COL21A1: variants seen among roughly 807,000 people sequenced by gnomAD.
COL21A1 encodes the protein collagen alpha-1(XXI) chain.
A neutral mutation model predicts 137.9 loss-of-function variants in COL21A1; 149 were observed. That is an observed-to-expected ratio of 1.08 (90% CI 0.95 to 1.24). The LOEUF is 1.24. Ranked by LOEUF, COL21A1 falls within the 50% of genes most tolerant of loss-of-function variation. The probability of loss-of-function intolerance (pLI) is 0.00; values close to 1 mark genes in which losing one functional copy is unlikely to be tolerated. For synonymous variants in COL21A1, 456 were observed against 391.5 expected (o/e 1.16, Z -1.95); for missense variants, 1,167 against 1,158.4 (o/e 1.01, Z -0.11).
chr6:56,264,052 T>C (rs13202214), intron 1 of COL21A1, among the ~76,000 whole-genome samples: 2 of 152,050 alleles, frequency 1.3e-5, no homozygotes, highest in Non-Finnish European at 2.9e-5. Context: ...ACAATTCCTC[T>C]GTTTATAATG....
chr6:56,264,749 C>T (rs1336429700), intron 1 of COL21A1, among the ~76,000 whole-genome samples: 1 of 152,130 alleles, frequency 6.6e-6, no homozygotes, highest in Non-Finnish European at 1.5e-5. Context: ...CTCCTGTACA[C>T]CCTAAATTTA....
rs140907901 is a variant in COL21A1 at position 56,381,922 on chromosome 6, C to T, written c.-39+12049G>A. ...GCAACACTCTTGCACAATGCCACCA[C>T]GCAAAAGCCTCTCCTTACCCACAAT... On this transcript the variant is annotated intron_variant, in intron 1 of 28. Coordinates refer to the COL21A1 transcript ENST00000370819. 2.3e-3 allele frequency among the ~76,000 whole-genome samples: 344 copies of T among 152,290 alleles called. 2 individuals carry two copies. The highest frequency in any genetic ancestry group is 3.6e-3 in the Non-Finnish European group (245 of 68,024).
At chr6:56,379,308 G>A (rs1272640283) in intron 1 of COL21A1, among the ~76,000 whole-genome samples, 1 of 152,134 alleles carries the variant, frequency 6.6e-6, no homozygotes, top group African/African-American at 2.4e-5. Flanking sequence ...AAGCTGTTTT[G>A]AGGAAGGTCA....
intron 1 of COL21A1, among the ~76,000 whole-genome samples, chr6:56,204,373 A>C (rs115616353): frequency 0.022 from 3,311 of 152,200 alleles, 120 homozygotes; most frequent in African/African-American, 0.075. Context: ...TCAAACTGGG[A>C]GGAGCCCACC....
chr6:56,254,499 G>T (rs1404095952), intron 1 of COL21A1, among the ~76,000 whole-genome samples: 1 of 152,174 alleles, frequency 6.6e-6, no homozygotes, highest in Non-Finnish European at 1.5e-5. Flanking sequence ...TAAGTACTTG[G>T]ATTCTTTACA....
At position 56,125,620 on chromosome 6, in the gene COL21A1, C is replaced by A. The variant is rs1271273845; in HGVS notation, c.1597G>T (p.Gly533Cys). The A allele has an allele frequency of 1.9e-6, 3 of 1,565,222 alleles. No homozygotes were observed. Among genetic ancestry groups the A allele is most frequent in the African/African-American group, 2.7e-5 (2 of 73,564 alleles). The part of the protein sequence containing the change: ...PGLHGMPGSK[G>C]EMGAKGDKGS... ...TTGTCTCCTTTGGCACCCATTTCAC[C>A]CTAAAAGACAAAATATAAATAGTGA... Residue 533 changes from glycine to cysteine, a missense_variant and splice_region_variant, in exon 14 of 30, where the codon GGT becomes TGT. Coordinates refer to ENST00000244728, the MANE Select transcript of COL21A1 (RefSeq NM_030820.4).
intron 1 of COL21A1, among the ~76,000 whole-genome samples, chr6:56,387,777 T>C (rs989764695): frequency 6.6e-6 from 1 of 152,224 alleles, no homozygotes; most frequent in African/African-American, 2.4e-5. Context: ...GCAGAAGTCC[T>C]GGCTGGCTCC....
chr6:56,332,479 T>TG (rs530242125), intron 1 of COL21A1, among the ~76,000 whole-genome samples: 235 of 122,622 alleles, frequency 1.9e-3, no homozygotes, highest in African/African-American at 6.4e-3. Context: ...GTAAAACATT[T>TG]TTTTTTTTTG....
At chr6:56,255,436 T>C (rs1221408423) in intron 1 of COL21A1, among the ~76,000 whole-genome samples, 1 of 151,944 alleles carries the variant, frequency 6.6e-6, no homozygotes, top group Non-Finnish European at 1.5e-5. Context: ...GGGAGTCTTT[T>C]CTTAATGATA....
intron 12 of COL21A1, chr6:56,126,350 A>G (rs1773049946): frequency 4.1e-6 from 2 of 486,938 alleles, no homozygotes; most frequent in East Asian, 8.0e-5. Flanking sequence ...GAAGATAAGT[A>G]TTTTGGAGCT....
chr6:56,076,247 G>A (rs1419664036), intron 18 of COL21A1, among the ~76,000 whole-genome samples: 1 of 151,372 alleles, frequency 6.6e-6, no homozygotes, highest in Non-Finnish European at 1.5e-5. Flanking sequence ...ACTTTCAAAT[G>A]GGGCTGAAAT....
At chr6:56,181,785 A>G (rs924236580) in intron 2 of COL21A1, among the ~76,000 whole-genome samples, 1 of 152,204 alleles carries the variant, frequency 6.6e-6, no homozygotes, top group African/African-American at 2.4e-5. Flanking sequence ...CACAAGCTGT[A>G]TGATGCTAGG....
chr6:56,166,523 G>C (rs1206147779), intron 7 of COL21A1, among the ~76,000 whole-genome samples: 2 of 152,044 alleles, frequency 1.3e-5, no homozygotes, highest in African/African-American at 4.8e-5. Context: ...GTGGTGGCGG[G>C]CATCTGTAAT....
chr6:56,129,699 T>TGTGTGTGTGTGTGTGAGA (rs1450514214), intron 12 of COL21A1, among the ~76,000 whole-genome samples: 14 of 120,516 alleles, frequency 1.2e-4, no homozygotes, highest in African/African-American at 4.0e-4. Flanking sequence ...TGTGTGTGTG[T>TGTGTGTGTGTGTGTGAGA]GAGAGAGAGA....
chr6:56,202,583 T>G (rs994696445), intron 1 of COL21A1, among the ~76,000 whole-genome samples: 4 of 152,180 alleles, frequency 2.6e-5, no homozygotes, highest in African/African-American at 9.7e-5. Context: ...CTTCCTCATC[T>G]CACACTTAGT....
chr6:56,339,972 G>T (rs1765429012), intron 1 of COL21A1, among the ~76,000 whole-genome samples: 1 of 152,092 alleles, frequency 6.6e-6, no homozygotes, highest in Non-Finnish European at 1.5e-5. Flanking sequence ...TGGAAAAAAT[G>T]GGATTACTTG....
intron 16 of COL21A1, among the ~76,000 whole-genome samples, chr6:56,110,397 A>G (rs1171431852): frequency 6.6e-6 from 1 of 151,946 alleles, no homozygotes; most frequent in Non-Finnish European, 1.5e-5. Context: ...TTCAATGTTA[A>G]AAGACTGATG....
rs377190560 is a variant in COL21A1 at position 56,124,241 on chromosome 6, C to G, written c.1702G>C (p.Ala568Pro). The change falls in exon 15 of 30, where the codon GCT becomes CCT. Residue 568 changes from alanine to proline, a missense_variant and splice_region_variant. Ala to Pro is a conservative substitution (Grantham distance 27). Coordinates refer to ENST00000244728, the MANE Select transcript of COL21A1 (RefSeq NM_030820.4). ...NAGFPGLPGP[A>P]GEPGRHGKDG... is the part of the protein sequence containing the mutation. ...GAGCTTTTTTCTATCAAACTCACAG[C>G]AGGTCCAGGGAGGCCAGGGAAGCCA... The G allele has an allele frequency of 2.1e-5, 33 of 1,600,036 alleles. No individual in the cohort carries two copies. The highest frequency in any genetic ancestry group is 2.6e-5 in the Non-Finnish European group (30 of 1,172,756).
At chr6:56,082,096 T>C (rs1767828426) in intron 17 of COL21A1, among the ~76,000 whole-genome samples, 3 of 151,918 alleles carry the variant, frequency 2.0e-5, no homozygotes, top group Non-Finnish European at 2.9e-5. Context: ...AAAAGCATCC[T>C]TTTCCAGGAC....
Sources: gnomAD v4.1 joint callset for allele counts (sites outside exome capture counted in the v4.1 genomes callset) on GRCh38, gnomAD v4.1.1 for gene constraint, MANE v1.5 for transcripts, NCBI Gene and HGNC (gene_info 2026-07-23, HGNC 2026-07-21) for gene names.